MTMR10: variants seen among roughly 807,000 people sequenced by gnomAD.
MTMR10 encodes the protein myotubularin related protein 10.
Under a neutral mutation model 88.1 loss-of-function variants are expected in MTMR10, and 56 were observed. That is an observed-to-expected ratio of 0.64 (90% CI 0.51 to 0.79). The LOEUF (loss-of-function observed/expected upper bound fraction) is 0.79, where lower values mean the gene tolerates loss of function less well. Among genes scored for constraint, MTMR10 ranks in the 30% least tolerant of loss-of-function variants. The probability of loss-of-function intolerance (pLI) is 0.00; values close to 1 mark genes in which losing one functional copy is unlikely to be tolerated. For synonymous variants in MTMR10, 380 were observed against 340.9 expected, an observed-to-expected ratio of 1.11 and a Z score of -1.26; for missense variants, 883 against 924.7, an observed-to-expected ratio of 0.95 and a Z score of 0.58.
the MTMR10 span, chr15:30,928,697 C>T: frequency 6.2e-7 from 1 of 1,612,494 alleles, no homozygotes; most frequent in Non-Finnish European, 8.5e-7. Context: ...TCCTTCTGCA[C>T]ACATCCGTGG....
chr15:30,956,806 C>G (rs2063333811), intron 9 of MTMR10, among the ~76,000 whole-genome samples: 1 of 152,164 alleles, frequency 6.6e-6, no homozygotes, highest in African/African-American at 2.4e-5. Context: ...AACTCTCACC[C>G]AACAATGCTA....
At chr15:30,947,788 ACAC>A (rs1281989843) in intron 13 of MTMR10, among the ~76,000 whole-genome samples, 7 of 152,140 alleles carry the variant, frequency 4.6e-5, no homozygotes, top group Admixed American at 3.3e-4. Context: ...TTTTTATGAG[ACAC>A]CACAAGTCAA....
chr15:30,984,567 G>A (rs990710468), intron 2 of MTMR10, among the ~76,000 whole-genome samples: 1 of 152,146 alleles, frequency 6.6e-6, no homozygotes, highest in African/African-American at 2.4e-5. Flanking sequence ...AAGACGTATG[G>A]TGAGACAGAA....
At chr15:30,946,898 G>A (rs2063179333) in intron 14 of MTMR10, 1 of 604,164 alleles carries the variant, frequency 1.7e-6, no homozygotes, top group African/African-American at 1.9e-5. Flanking sequence ...CATCTTTAAA[G>A]GGGTTTACTA....
intron 14 of MTMR10, chr15:30,943,442 T>A: frequency 2.0e-6 from 2 of 985,262 alleles, no homozygotes; most frequent in South Asian, 4.7e-5. Flanking sequence ...ACACGGTCAG[T>A]ACATTTAAGT....
chr15:30,959,839 C>A (rs149380420), intron 7 of MTMR10, among the ~76,000 whole-genome samples: 1 of 152,106 alleles, frequency 6.6e-6, no homozygotes, highest in African/African-American at 2.4e-5. Context: ...TGCTTATGTG[C>A]GTGAACTAAT....
Position 30,941,260 on chromosome 15 carries a change from T to G in MTMR10, c.*210A>C. 2.7e-6 allele frequency: 4 copies of G among 1,468,074 alleles called. No homozygotes were observed. The highest frequency in any genetic ancestry group is 3.6e-6 in the Non-Finnish European group (4 of 1,104,902). 90.9% of individuals were successfully genotyped at this position (1,468,074 alleles called of 1,614,324 possible). A position where few individuals can be genotyped will look rare whatever the true frequency, so the allele number is the denominator to read the frequency against. Reference sequence around the variant, plus strand: ...ACGGTTACAAGAGCCAGACCTGTAATGACAGAAAGAGGACAGGAACAAAAT... The same window carrying G: ...ACGGTTACAAGAGCCAGACCTGTAAGGACAGAAAGAGGACAGGAACAAAAT... On this transcript the variant is annotated 3_prime_UTR_variant, in exon 16 of 16. Transcript: ENST00000435680.
Position 30,941,549 on chromosome 15 carries a change from A to T in MTMR10, c.2255T>A (p.Ile752Asn). The T allele has an allele frequency of 1.2e-6, 2 of 1,606,134 alleles. No individual in the cohort carries two copies. Among genetic ancestry groups the T allele is most frequent in the Non-Finnish European group, 1.7e-6 (2 of 1,175,688 alleles). ...AAATTTGCTTAATGGTGTTCCTAAAATGCTTCGTCTGCACAGATTCCCTAC... is the reference window on the plus strand; with the variant it reads ...AAATTTGCTTAATGGTGTTCCTAAATTGCTTCGTCTGCACAGATTCCCTAC... ...SPVGNLCRRSILGTPLSKFLS... is the reference protein window; with the variant it reads ...SPVGNLCRRSNLGTPLSKFLS... The change falls in exon 16 of 16, where the codon ATT (isoleucine) becomes AAT (asparagine). Residue 752 changes from isoleucine (I) to asparagine (N), a missense_variant. Ile to Asn is a moderately radical substitution (Grantham distance 149, BLOSUM62 -3). This residue lies in a region of MTMR10 where 343 missense variants were observed against 323.2 expected (regional missense o/e 1.06). Transcript: ENST00000435680.
At chr15:30,989,451 T>C (rs1425145894) in intron 2 of MTMR10, among the ~76,000 whole-genome samples, 1 of 152,186 alleles carries the variant, frequency 6.6e-6, no homozygotes, top group Non-Finnish European at 1.5e-5. Context: ...CTATATAATA[T>C]TTAAAATTTT....
intron 2 of MTMR10, among the ~76,000 whole-genome samples, chr15:30,986,310 C>G (rs1264524828): frequency 6.6e-6 from 1 of 151,850 alleles, no homozygotes; most frequent in Non-Finnish European, 1.5e-5. Flanking sequence ...GAGCGAGACC[C>G]TGTCTCAAAA....
In MTMR10 at chr15:30,940,550, A is replaced by G. The variant is rs1310740500; in HGVS notation, c.*920T>C. ...ACCACACTGGAAATACTGATGGCCA[A>G]GCCCAGCACGCCTCCCAGCAAGCCT... On this transcript the variant is annotated 3_prime_UTR_variant, in exon 16 of 16. Transcript: ENST00000435680. 3 of 985,436 alleles carry G rather than the reference A, an allele frequency of 3.0e-6. No individual in the cohort carries two copies. Among genetic ancestry groups the G allele is most frequent in the African/African-American group, 1.7e-5 (1 of 57,228 alleles). The allele number at this position is 985,436 out of a possible 1,614,324, so 61.0% of individuals were successfully genotyped here. A position where few individuals can be genotyped will look rare whatever the true frequency, so the allele number is the denominator to read the frequency against.
rs1287559325 is a variant in MTMR10, at chr15:30,940,827, C to A, written c.*643G>T. ...TTGTATCCTAAAGTCAAAGGCACTT[C>A]TAAGTTTAATTATCTGCAGCAAATG... On this transcript the variant is annotated 3_prime_UTR_variant, in exon 16 of 16. Coordinates refer to ENST00000435680, the MANE Select transcript of MTMR10 (RefSeq NM_017762.3). 1.0e-6 allele frequency: 1 copy of A among 988,470 alleles called. No homozygotes were observed. The highest frequency in any genetic ancestry group is 1.7e-5 in the African/African-American group (1 of 57,236). 61.2% of individuals were successfully genotyped at this position (988,470 alleles called of 1,614,324 possible). A position where few individuals can be genotyped will look rare whatever the true frequency, so the allele number is the denominator to read the frequency against.
chr15:30,950,707 A>G (rs1161096946), intron 12 of MTMR10, among the ~76,000 whole-genome samples: 2 of 152,008 alleles, frequency 1.3e-5, no homozygotes, highest in African/African-American at 4.8e-5. Context: ...CTTAAGCAAC[A>G]TTTTGTATTC....
rs565963874 is a variant in MTMR10, at chr15:30,955,242, C to T, written c.936-349G>A. Among the ~76,000 whole-genome samples the T allele has an allele frequency of 3.9e-5, 6 of 152,298 alleles. No homozygotes were observed. The South Asian group carries it at 6.2e-4, about 16-fold the overall frequency. ...GCCATTCACCTCACTGCCACCCCCA[C>T]GTGCAGTGCACAGAACAAATTAGAT... On this transcript the variant is annotated intron_variant, in intron 9 of 15. Transcript: ENST00000435680.
chr15:30,951,589 T>G (rs2140734), intron 12 of MTMR10, among the ~76,000 whole-genome samples: 40,227 of 151,898 alleles, frequency 0.26, 5,872 homozygotes, highest in Non-Finnish European at 0.33. Context: ...AACCTCCGCC[T>G]CCTAGGTTCA....
chr15:30,985,693 T>C (rs1346327099), intron 2 of MTMR10, among the ~76,000 whole-genome samples: 12 of 152,210 alleles, frequency 7.9e-5, no homozygotes, highest in Admixed American at 7.8e-4. Context: ...TGCCTGGTAA[T>C]AGCTTAGCAA....
chr15:30,929,138 T>TA, the MTMR10 span: 3 of 1,423,380 alleles, frequency 2.1e-6, no homozygotes, highest in Non-Finnish European at 2.9e-6. Flanking sequence ...ATGTACTGAC[T>TA]AGTCCTCTGG....
At chr15:30,938,308 TTTATGA>T (rs2062925008), downstream of MTMR10, among the ~76,000 whole-genome samples, 1 of 152,222 alleles carries the variant, frequency 6.6e-6, no homozygotes. Context: ...CTGTTAAACT[TTTATGA>T]TTATCTAAGA....
intron 9 of MTMR10, 117 bp downstream of exon 9, chr15:30,958,746 A>G: frequency 9.8e-7 from 1 of 1,022,340 alleles, no homozygotes; most frequent in Non-Finnish European, 1.5e-6. Flanking sequence ...TATATAAAAC[A>G]TGGTGCTAAC....
Sources: gnomAD v4.1 joint callset for allele counts (sites outside exome capture counted in the v4.1 genomes callset) on GRCh38, gnomAD v4.1.1 for gene constraint, gnomAD v4.1.1 regional missense constraint, MANE v1.5 for transcripts, NCBI Gene and HGNC (gene_info 2026-07-23, HGNC 2026-07-21) for gene names.